Variants in FAM184A observed in about 807,000 individuals in gnomAD.
The protein encoded by FAM184A is protein FAM184A.
In FAM184A, 99 loss-of-function variants were observed where a neutral mutation model predicts 143.8. The observed-to-expected ratio is 0.69, with a 90% CI of 0.58 to 0.81. The LOEUF is 0.81. FAM184A is among the 40% of genes least tolerant of loss of function. FAM184A has a pLI of 0.00. For missense variants in FAM184A, 1,217 were observed against 1,310.5 expected, an observed-to-expected ratio of 0.93 and a Z score of 1.10; for synonymous variants, 427 against 446.4, an observed-to-expected ratio of 0.96 and a Z score of 0.55.
chr6:119,135,968 C>CA (rs996738253), intron 1 of FAM184A, among the ~76,000 whole-genome samples: 3,518 of 143,778 alleles, frequency 0.024, 115 homozygotes, highest in African/African-American at 0.077. Context: ...GTTTTCCTGC[C>CA]AAAAAAAAAA....
At chr6:119,136,151 G>A (rs980948210) in intron 1 of FAM184A, among the ~76,000 whole-genome samples, 2 of 149,922 alleles carry the variant, frequency 1.3e-5, no homozygotes, top group African/African-American at 2.4e-5. Flanking sequence ...GGTGGCGGGC[G>A]CCTGTAGTCC....
intron 6 of FAM184A, among the ~76,000 whole-genome samples, chr6:119,007,893 T>C (rs1465322583): frequency 1.3e-5 from 2 of 151,908 alleles, no homozygotes; most frequent in South Asian, 2.1e-4. Context: ...GTGAGCGAGA[T>C]TGTGCCACTG....
At chr6:119,048,438 C>T (rs1230998280) in intron 1 of FAM184A, among the ~76,000 whole-genome samples, 1 of 152,152 alleles carries the variant, frequency 6.6e-6, no homozygotes, top group Non-Finnish European at 1.5e-5. Context: ...AGAAGTCAAA[C>T]TATCCCTGTT....
intron 9 of FAM184A, among the ~76,000 whole-genome samples, chr6:119,002,607 A>C (rs1304589285): frequency 6.6e-6 from 1 of 152,178 alleles, no homozygotes; most frequent in African/African-American, 2.4e-5. Flanking sequence ...TTATGCTTTC[A>C]AAACATAGGT....
chr6:119,115,416 G>A (rs1304531651), intron 1 of FAM184A, among the ~76,000 whole-genome samples: 3 of 152,172 alleles, frequency 2.0e-5, no homozygotes, highest in Admixed American at 2.0e-4. Context: ...ATGTGACTGG[G>A]CGAGGTGGCT....
At chr6:118,970,927 C>G (rs1474341852) in intron 14 of FAM184A, among the ~76,000 whole-genome samples, 2 of 151,864 alleles carry the variant, frequency 1.3e-5, no homozygotes, top group Non-Finnish European at 2.9e-5. Context: ...AAGTTATAGT[C>G]TTGTTAAGAA....
chr6:119,029,441 AC>A (rs1192907420), intron 1 of FAM184A, among the ~76,000 whole-genome samples: 1 of 152,230 alleles, frequency 6.6e-6, no homozygotes, highest in East Asian at 1.9e-4. Flanking sequence ...TTCCATGACC[AC>A]CCAAATCCAT....
intron 1 of FAM184A, among the ~76,000 whole-genome samples, chr6:119,116,396 G>T (rs1024051359): frequency 6.6e-6 from 1 of 152,110 alleles, no homozygotes; most frequent in African/African-American, 2.4e-5. Context: ...ACCCCATGTT[G>T]GGTACTATGC....
intron 1 of FAM184A, among the ~76,000 whole-genome samples, chr6:119,100,615 GT>G (rs1401171600): frequency 1.4e-5 from 2 of 147,350 alleles, no homozygotes; most frequent in East Asian, 3.9e-4. Flanking sequence ...AGCTAGTTTA[GT>G]TTTTACCTCT....
intron 9 of FAM184A, among the ~76,000 whole-genome samples, chr6:118,993,469 C>A (rs1419740602): frequency 1.3e-5 from 2 of 152,150 alleles, no homozygotes; most frequent in Admixed American, 1.3e-4. Flanking sequence ...TTGTAATTTG[C>A]AAACATGTTA....
rs549195825 is a variant in FAM184A at position 118,965,086 on chromosome 6, G to T, written c.3034-315C>A. On this transcript the variant is annotated intron_variant, in intron 15 of 17. Transcript: ENST00000338891. ...GGGCAGGTTTACAACTTACATTCAT[G>T]GGGCTCTGGGCATGACTGAATTGTT... 1.5e-3 allele frequency among the ~76,000 whole-genome samples: 223 copies of T among 152,264 alleles called. 1 individual carries two copies. Among genetic ancestry groups the T allele is most frequent in the African/African-American group, 5.3e-3 (219 of 41,548 alleles).
chr6:119,140,790 CT>C (rs1263402593), intron 1 of FAM184A, among the ~76,000 whole-genome samples: 3 of 152,178 alleles, frequency 2.0e-5, no homozygotes, highest in African/African-American at 4.8e-5. Flanking sequence ...TTTCAGAATC[CT>C]GGTATGAGAA....
chr6:119,118,090 C>T (rs192251886), intron 1 of FAM184A, among the ~76,000 whole-genome samples: 8 of 152,344 alleles, frequency 5.3e-5, no homozygotes, highest in Admixed American at 2.0e-4. Flanking sequence ...GCATGGGAAG[C>T]TCTGACCTGC....
intron 1 of FAM184A, among the ~76,000 whole-genome samples, chr6:119,090,097 G>A (rs1460899609): frequency 1.3e-5 from 2 of 152,010 alleles, no homozygotes; most frequent in African/African-American, 4.8e-5. Context: ...CATCTACTTG[G>A]CTTCCTTTGC....
intron 5 of FAM184A, among the ~76,000 whole-genome samples, chr6:119,014,232 A>G (rs1379570737): frequency 3.3e-5 from 5 of 152,280 alleles, no homozygotes; most frequent in Non-Finnish European, 7.3e-5. Context: ...ACTAATTTTT[A>G]TCATCATGTG....
At chr6:118,981,433 G>A (rs1185550937) in intron 9 of FAM184A, among the ~76,000 whole-genome samples, 1 of 152,068 alleles carries the variant, frequency 6.6e-6, no homozygotes, top group Non-Finnish European at 1.5e-5. Context: ...AGTTTCTGCG[G>A]CCAAAAAAGC....
intron 1 of FAM184A, among the ~76,000 whole-genome samples, chr6:119,130,906 G>C (rs1181353827): frequency 6.8e-6 from 1 of 147,980 alleles, no homozygotes; most frequent in Non-Finnish European, 1.5e-5. Flanking sequence ...ACCTAGGCTA[G>C]AGTGCAGTGG....
intron 1 of FAM184A, among the ~76,000 whole-genome samples, chr6:119,125,533 T>C (rs11753676): frequency 0.18 from 26,908 of 152,206 alleles, 2,823 homozygotes; most frequent in Non-Finnish European, 0.24. Context: ...GGCTTCCCAA[T>C]GTGCTAGGTG....
At chr6:119,081,585 C>T (rs972593052), upstream of FAM184A, among the ~76,000 whole-genome samples, 9 of 152,174 alleles carry the variant, frequency 5.9e-5, no homozygotes, top group Admixed American at 1.3e-4. Flanking sequence ...TTTCTATATC[C>T]TGGGGTTCTT....
Sources: allele counts gnomAD v4.1 joint callset (sites outside exome capture counted in the v4.1 genomes callset), GRCh38; gene constraint gnomAD v4.1.1; transcripts MANE v1.5; gene names NCBI Gene and HGNC (gene_info 2026-07-23, HGNC 2026-07-21).